Variants in CPEB2 observed in about 807,000 individuals in gnomAD.
The protein encoded by CPEB2 is cytoplasmic polyadenylation element-binding protein 2.
In CPEB2, 56 loss-of-function variants were observed where a neutral mutation model predicts 93.6. The observed-to-expected ratio is 0.60, with a 90% CI of 0.48 to 0.75. The LOEUF is 0.75. Ranked by LOEUF, CPEB2 falls within the 30% of genes least tolerant of loss-of-function variation. The pLI is 0.00. For missense variants in CPEB2, 1,579 were observed against 1,395.1 expected (o/e 1.13, Z -2.10); for synonymous variants, 764 against 586.3 (o/e 1.30, Z -4.38).
chr4:15,025,056 A>G (rs1725295970), intron 4 of CPEB2, among the ~76,000 whole-genome samples: 1 of 151,924 alleles, frequency 6.6e-6, no homozygotes, highest in South Asian at 2.1e-4. Flanking sequence ...CCATTTTTTA[A>G]TATTACCTCT....
intron 6 of CPEB2, among the ~76,000 whole-genome samples, chr4:15,047,841 ACT>A (rs1198306465): frequency 2.4e-4 from 36 of 148,370 alleles, no homozygotes; most frequent in African/African-American, 8.7e-4. Context: ...ACAGACTTTC[ACT>A]CTTTTTTTTT....
At chr4:15,015,071 T>G (rs1723963693) in intron 3 of CPEB2, among the ~76,000 whole-genome samples, 1 of 152,062 alleles carries the variant, frequency 6.6e-6, no homozygotes, top group South Asian at 2.1e-4. Flanking sequence ...TTTAGTGACT[T>G]CAGACGAAGA....
In CPEB2 at chr4:15,066,207, G is replaced by T. The variant is rs781736943; in HGVS notation, c.2932G>T (p.Ala978Ser). The change falls in exon 12 of 12, where the codon GCA becomes TCA. Residue 978 changes from alanine (A) to serine (S), a missense_variant. Ala to Ser is a moderately conservative substitution (Grantham distance 99, BLOSUM62 1). Coordinates refer to ENST00000538197, the MANE Select transcript of CPEB2 (RefSeq NM_001177382.2). ...CCAGATGTGTGATGAATGCCAGGGC[G>T]CACGCTGTGGTGGAAAATTTGCTCC... ...DDQMCDECQG[A>S]RCGGKFAPFF... 5.0e-6 allele frequency: 8 copies of T among 1,613,264 alleles called. No homozygotes were observed. Among genetic ancestry groups the T allele is most frequent in the East Asian group, 2.2e-5 (1 of 44,858 alleles).
intron 4 of CPEB2, among the ~76,000 whole-genome samples, chr4:15,032,394 A>C (rs908100060): frequency 2.6e-5 from 4 of 152,222 alleles, no homozygotes; most frequent in Admixed American, 1.3e-4. Flanking sequence ...AATAAGTGTT[A>C]TGATGTAAAA....
At chr4:15,006,901 C>T (rs1722886758) in intron 1 of CPEB2, among the ~76,000 whole-genome samples, 1 of 151,988 alleles carries the variant, frequency 6.6e-6, no homozygotes, top group South Asian at 2.1e-4. Flanking sequence ...TAACAAAGAC[C>T]ATATTTTTAG....
chr4:15,064,554 T>A (rs1466366796), intron 11 of CPEB2, among the ~76,000 whole-genome samples: 1 of 151,282 alleles, frequency 6.6e-6, no homozygotes, highest in African/African-American at 2.4e-5. Flanking sequence ...CAGACCCTGG[T>A]TTCAATCTGT....
At chr4:15,025,216 C>G (rs1725319667) in intron 4 of CPEB2, among the ~76,000 whole-genome samples, 2 of 151,666 alleles carry the variant, frequency 1.3e-5, no homozygotes, top group South Asian at 4.2e-4. Flanking sequence ...AAAATTTTTG[C>G]TAATTTTTAA....
chr4:15,009,570 T>C (rs938163670), intron 3 of CPEB2, among the ~76,000 whole-genome samples: 1 of 152,208 alleles, frequency 6.6e-6, no homozygotes, highest in African/African-American at 2.4e-5. Context: ...ATTCAATACA[T>C]GAATGCCTAG....
At chr4:15,019,869 G>A (rs1577388898) in intron 4 of CPEB2, among the ~76,000 whole-genome samples, 1 of 152,034 alleles carries the variant, frequency 6.6e-6, no homozygotes, top group African/African-American at 2.4e-5. Context: ...CAAAAAAACA[G>A]TATACATTAT....
intron 6 of CPEB2, among the ~76,000 whole-genome samples, chr4:15,041,411 T>A (rs149334267): frequency 6.6e-6 from 1 of 152,080 alleles, no homozygotes; most frequent in Admixed American, 6.5e-5. Context: ...ATCACTTTTT[T>A]TTTTTTTTGA....
chr4:15,062,308 A>T (rs1307957784), intron 11 of CPEB2, 48 bp downstream of exon 11: 1 of 1,420,294 alleles, frequency 7.0e-7, no homozygotes, highest in Non-Finnish European at 9.6e-7. Flanking sequence ...TAAGGTGCTG[A>T]TCCAAAGCCT....
At chr4:15,027,658 G>A (rs1437780896) in intron 4 of CPEB2, among the ~76,000 whole-genome samples, 1 of 152,168 alleles carries the variant, frequency 6.6e-6, no homozygotes, top group Non-Finnish European at 1.5e-5. Context: ...TCTGTCAAAT[G>A]AGTTGGGGCA....
At position 15,002,853 on chromosome 4, in the gene CPEB2, G is replaced by A. The variant is rs1345595688; in HGVS notation, c.180G>A (p.Glu60=). 14 of 1,534,766 alleles carry A rather than the reference G, an allele frequency of 9.1e-6. No homozygotes were observed. The highest frequency in any genetic ancestry group is 4.9e-5 in the East Asian group (2 of 40,730). ...CGTTGCCTGTCACCGGCTTCTTAGA[G>A]GCCGCCTCCCCCTTCTCCGTCCCCC... ...PPPLPVTGFL[E]AASPFSVPLG... Residue 60 remains glutamate (E), a synonymous_variant, in exon 1 of 12, where the codon GAG becomes GAA. Transcript: ENST00000538197.
chr4:15,016,334 T>C (rs1449488459), intron 3 of CPEB2, among the ~76,000 whole-genome samples: 1 of 152,038 alleles, frequency 6.6e-6, no homozygotes, highest in African/African-American at 2.4e-5. Context: ...ACATACCTTT[T>C]TTCAGGTACA....
At chr4:15,018,936 TTATATATATATA>T (rs56945294) in intron 4 of CPEB2, among the ~76,000 whole-genome samples, 4,289 of 133,010 alleles carry the variant, frequency 0.032, 110 homozygotes, top group South Asian at 0.15. Context: ...AAGGGGAATT[TTATATATATATA>T]TATATATATA....
At position 15,003,988 on chromosome 4, in the gene CPEB2, C is replaced by A; in HGVS notation, c.1315C>A (p.Pro439Thr). The change falls in exon 1 of 12, where the codon CCG (proline) becomes ACG (threonine). Residue 439 changes from proline (P) to threonine (T), a missense_variant. Pro to Thr is a conservative substitution (Grantham distance 38, BLOSUM62 -1). Transcript: ENST00000538197. Reference protein sequence around the residue: ...GGSGGSLSAMPPPSPDSENGF... With the variant: ...GGSGGSLSAMTPPSPDSENGF... ...CAGCGGCGGCTCGCTCAGCGCCATG[C>A]CGCCGCCCAGCCCCGACTCAGAGAA... 1 of 1,492,470 alleles carries A rather than the reference C, an allele frequency of 6.7e-7. No homozygotes were observed. The highest frequency in any genetic ancestry group is 8.9e-7 in the Non-Finnish European group (1 of 1,120,856). 92.5% of individuals were successfully genotyped at this position (1,492,470 alleles called of 1,614,324 possible).
chr4:15,010,882 C>T (rs1376509828), intron 3 of CPEB2, among the ~76,000 whole-genome samples: 3 of 151,924 alleles, frequency 2.0e-5, no homozygotes, highest in African/African-American at 4.8e-5. Context: ...GAGCTGAACA[C>T]GTAATCGAAT....
chr4:15,003,303 G>C lies in CPEB2; in HGVS notation c.630G>C (p.Pro210=). Residue 210 remains proline (P), a synonymous_variant, in exon 1 of 12, where the codon CCG becomes CCC. Coordinates refer to ENST00000538197, the MANE Select transcript of CPEB2 (RefSeq NM_001177382.2). Reference sequence around the variant, plus strand: ...TCCACTGCCCCGGTCGGTTCAGCCCGCCGCCGCCGCCAGCCGGCCCGCTCC... The same window carrying C: ...TCCACTGCCCCGGTCGGTTCAGCCCCCCGCCGCCGCCAGCCGGCCCGCTCC... The part of the protein sequence containing the change: ...PPLHCPGRFS[P]PPPPAGPLLQ... 1 of 1,380,816 alleles carries C rather than the reference G, an allele frequency of 7.2e-7. No individual in the cohort carries two copies. The highest frequency in any genetic ancestry group is 9.3e-7 in the Non-Finnish European group (1 of 1,075,860). The allele number at this position is 1,380,816 out of a possible 1,614,324, so 85.5% of individuals were successfully genotyped here. A position where few individuals can be genotyped will look rare whatever the true frequency, so the allele number is the denominator to read the frequency against.
chr4:15,013,571 A>G (rs1723755908), intron 3 of CPEB2, among the ~76,000 whole-genome samples: 1 of 152,048 alleles, frequency 6.6e-6, no homozygotes, highest in Admixed American at 6.6e-5. Flanking sequence ...TTTCAGAAGA[A>G]TGCATGAGTG....
Sources: gnomAD v4.1 joint callset for allele counts (sites outside exome capture counted in the v4.1 genomes callset) on GRCh38, gnomAD v4.1.1 for gene constraint, MANE v1.5 for transcripts, NCBI Gene and HGNC (gene_info 2026-07-23, HGNC 2026-07-21) for gene names.